CENPP: variants seen among roughly 807,000 people sequenced by gnomAD.
CENPP encodes centromere protein P.
In CENPP, 24 loss-of-function variants were observed where a neutral mutation model predicts 35.6. The observed-to-expected ratio is 0.67, with a 90% confidence interval of 0.49 to 0.95. The LOEUF is 0.95. Ranked by LOEUF, CENPP falls within the 40% of genes least tolerant of loss-of-function variation. The pLI, the probability that CENPP is intolerant of heterozygous loss-of-function variation, is 0.00. For missense variants in CENPP, 332 were observed against 345.3 expected (o/e 0.96, Z 0.31); for synonymous variants, 120 against 125.5 (o/e 0.96, Z 0.29).
intron 4 of CENPP, among the ~76,000 whole-genome samples, chr9:92,361,858 G>T (rs1841762443): frequency 6.6e-6 from 1 of 152,064 alleles, no homozygotes; most frequent in South Asian, 2.1e-4. Context: ...AATTGACATT[G>T]ATATGATACT....
At chr9:92,545,960 C>G (rs1382047916) in intron 5 of CENPP, among the ~76,000 whole-genome samples, 1 of 151,746 alleles carries the variant, frequency 6.6e-6, no homozygotes, top group Admixed American at 6.6e-5. Flanking sequence ...CTCTGTCTAG[C>G]TCAGGGTTTG....
intron 4 of CENPP, among the ~76,000 whole-genome samples, chr9:92,375,564 G>A (rs1842106740): frequency 6.6e-6 from 1 of 152,070 alleles, no homozygotes; most frequent in African/African-American, 2.4e-5. Flanking sequence ...CCAAAGTGCT[G>A]GGATTACAGG....
chr9:92,515,159 C>G, intron 5 of CENPP: 1 of 1,608,650 alleles, frequency 6.2e-7, no homozygotes, highest in Middle Eastern at 1.7e-4. Flanking sequence ...CCAGAAAATT[C>G]ATTTCTATCA....
At chr9:92,522,630 C>G (rs781366762) in intron 5 of CENPP, 1 of 1,613,890 alleles carries the variant, frequency 6.2e-7, no homozygotes, top group Non-Finnish European at 8.5e-7. Flanking sequence ...AGGATTCAAA[C>G]TTTTCCTCCA....
intron 5 of CENPP, among the ~76,000 whole-genome samples, chr9:92,465,933 A>G (rs1845292249): frequency 6.6e-6 from 1 of 151,960 alleles, no homozygotes; most frequent in Non-Finnish European, 1.5e-5. Context: ...CCTGGGTTCA[A>G]GCAATTCTCC....
chr9:92,524,159 T>C (rs1181639936), intron 5 of CENPP, among the ~76,000 whole-genome samples: 1 of 152,154 alleles, frequency 6.6e-6, no homozygotes, highest in East Asian at 1.9e-4. Flanking sequence ...CCGTTTTCTG[T>C]TTTGTGCTTT....
At chr9:92,556,257 G>T (rs1041751219) in intron 5 of CENPP, among the ~76,000 whole-genome samples, 2 of 152,074 alleles carry the variant, frequency 1.3e-5, no homozygotes, top group South Asian at 2.1e-4. Context: ...GAGAGTGTTG[G>T]ATATAATTTC....
chr9:92,506,767 C>T (rs1356620531), intron 5 of CENPP, among the ~76,000 whole-genome samples: 2 of 152,118 alleles, frequency 1.3e-5, no homozygotes, highest in African/African-American at 2.4e-5. Flanking sequence ...AAATAGCCAG[C>T]TGAGCACATG....
intron 5 of CENPP, among the ~76,000 whole-genome samples, chr9:92,422,526 T>G (rs1843838352): frequency 6.6e-6 from 1 of 152,100 alleles, no homozygotes; most frequent in South Asian, 2.1e-4. Flanking sequence ...ATAAAGAGGT[T>G]TTTAATATTG....
At chr9:92,437,784 C>G (rs1844284556) in intron 5 of CENPP, among the ~76,000 whole-genome samples, 1 of 150,388 alleles carries the variant, frequency 6.6e-6, no homozygotes, top group South Asian at 2.1e-4. Context: ...TTTGGAGACA[C>G]TGTCTCACTC....
chr9:92,352,505 G>GTGTGTATATATATA, intron 4 of CENPP, among the ~76,000 whole-genome samples: 22 of 49,774 alleles, frequency 4.4e-4, no homozygotes, highest in African/African-American at 9.0e-4. Flanking sequence ...GTGTGTGTGT[G>GTGTGTATATATATA]TATACATATA....
At chr9:92,394,422 T>C (rs1238386933) in intron 5 of CENPP, among the ~76,000 whole-genome samples, 3 of 151,162 alleles carry the variant, frequency 2.0e-5, no homozygotes, top group African/African-American at 7.3e-5. Context: ...TTTTTTTTTT[T>C]TTGAATTTTT....
At chr9:92,517,854 A>C in intron 5 of CENPP, 5 of 1,614,154 alleles carry the variant, frequency 3.1e-6, no homozygotes, top group Non-Finnish European at 4.2e-6. Context: ...TATGCCCTTT[A>C]CCAAACAGTG....
In CENPP at chr9:92,513,410, A is replaced by T. The variant is rs551178609; in HGVS notation, c.565-97904A>T. The stretch of plus-strand genomic sequence containing the variant: ...TGTGGGGCATTTTCTTATAAACTTA[A>T]ACATGTATTTACCATATCCGCAGTC... On this transcript the variant is annotated intron_variant, in intron 5 of 7. Transcript: ENST00000375587. 5.3e-5 allele frequency among the ~76,000 whole-genome samples: 8 copies of T among 152,308 alleles called. 1 individual carries two copies. In the South Asian group the frequency reaches 1.5e-3, roughly 28 times the overall value.
intron 5 of CENPP, among the ~76,000 whole-genome samples, chr9:92,508,081 G>A (rs760944375): frequency 7.9e-5 from 12 of 152,246 alleles, no homozygotes; most frequent in South Asian, 6.2e-4. Context: ...GAGAGATGAC[G>A]GGAGAGCAGT....
intron 5 of CENPP, among the ~76,000 whole-genome samples, chr9:92,442,322 C>T (rs1040499265): frequency 2.1e-5 from 3 of 144,102 alleles, no homozygotes; most frequent in Admixed American, 1.4e-4. Flanking sequence ...CAGTTGAATC[C>T]GGGAGGCGGA....
intron 5 of CENPP, among the ~76,000 whole-genome samples, chr9:92,402,272 A>C (rs1843146246): frequency 6.6e-6 from 1 of 152,170 alleles, no homozygotes; most frequent in African/African-American, 2.4e-5. Context: ...ATCATATTAA[A>C]AGCATTAACT....
At position 92,619,630 on chromosome 9, in the gene CENPP, C is replaced by T; in HGVS notation, c.*6481C>T. On this transcript the variant is annotated 3_prime_UTR_variant, in exon 8 of 8. Transcript: ENST00000375587. Reference sequence around the variant, plus strand: ...AGCCTCTGCCCCCCCACACAACCTTCCTTCCCAGTAGCCAAGTGTGGGAAC... The same window carrying T: ...AGCCTCTGCCCCCCCACACAACCTTTCTTCCCAGTAGCCAAGTGTGGGAAC... 7.2e-7 allele frequency: 1 copy of T among 1,390,792 alleles called. No homozygotes were observed. The highest frequency in any genetic ancestry group is 1.4e-5 in the African/African-American group (1 of 69,986). The allele number at this position is 1,390,792 out of a possible 1,614,324, so 86.2% of individuals were successfully genotyped here.
intron 4 of CENPP, among the ~76,000 whole-genome samples, chr9:92,364,603 C>T (rs993681104): frequency 6.6e-6 from 1 of 151,922 alleles, no homozygotes; most frequent in Non-Finnish European, 1.5e-5. Flanking sequence ...TTCATTTGGC[C>T]AAAATCATAA....
Sources: allele counts gnomAD v4.1 joint callset (sites outside exome capture counted in the v4.1 genomes callset), GRCh38; gene constraint gnomAD v4.1.1; transcripts MANE v1.5; gene names NCBI Gene and HGNC (gene_info 2026-07-23, HGNC 2026-07-21).